Variants in ADRA1B observed in about 807,000 individuals in gnomAD.
ADRA1B encodes the protein alpha-1B adrenergic receptor.
In ADRA1B, 17 loss-of-function variants were observed where a neutral mutation model predicts 17.9. That is an observed-to-expected ratio of 0.95 (90% CI 0.65 to 1.42). The LOEUF (loss-of-function observed/expected upper bound fraction) is 1.42, where lower values mean the gene tolerates loss of function less well. Ranked by LOEUF, ADRA1B falls within the 40% of genes most tolerant of loss-of-function variation. The probability of loss-of-function intolerance (pLI) is 0.00; values close to 1 mark genes in which losing one functional copy is unlikely to be tolerated. For missense variants in ADRA1B, 681 were observed against 722.1 expected (o/e 0.94, Z 0.65); for synonymous variants, 366 against 327.6 (o/e 1.12, Z -1.27).
intron 1 of ADRA1B, chr5:159,871,175 AT>A: frequency 6.6e-6 from 1 of 152,230 alleles, no homozygotes; most frequent in Non-Finnish European, 1.5e-5. Context: ...TATTCATGTT[AT>A]TTTTTGCCAA....
At chr5:159,979,321 C>T in the ADRA1B span, among the ~76,000 whole-genome samples, 1 of 152,210 alleles carries the variant, frequency 6.6e-6, no homozygotes, top group Non-Finnish European at 1.5e-5. Flanking sequence ...CTCCTATCCT[C>T]TGAGAGGGTC....
Position 159,876,771 on chromosome 5 carries a change from G to T in ADRA1B, c.-256+11565G>T, listed in dbSNP as rs1225725677. The stretch of plus-strand genomic sequence containing the variant: ...GCTGAGTGGAATCCGCCTCTGTGGG[G>T]TCTGTTGGTGCTATAAGTAAAAAGT... On this transcript the variant is annotated intron_variant, in intron 1 of 2. Coordinates refer to the ADRA1B transcript ENST00000641205. 2.0e-5 allele frequency among the ~76,000 whole-genome samples: 3 copies of T among 152,312 alleles called. No homozygotes were observed. In the East Asian group the frequency reaches 5.8e-4, roughly 29 times the overall value.
chr5:159,893,206 G>A (rs1243702768), intron 1 of ADRA1B, among the ~76,000 whole-genome samples: 2 of 152,240 alleles, frequency 1.3e-5, no homozygotes, highest in African/African-American at 4.8e-5. Context: ...ACATCTCTGT[G>A]GAATTTCAGA....
At chr5:159,955,577 C>T (rs772028655) in intron 1 of ADRA1B, among the ~76,000 whole-genome samples, 1 of 152,176 alleles carries the variant, frequency 6.6e-6, no homozygotes, top group Non-Finnish European at 1.5e-5. Context: ...CATCCTAAGA[C>T]ACCTGTGCCT....
intron 1 of ADRA1B, among the ~76,000 whole-genome samples, chr5:159,961,443 A>T (rs1755663125): frequency 6.6e-6 from 1 of 152,214 alleles, no homozygotes; most frequent in African/African-American, 2.4e-5. Context: ...CAAGTTTATG[A>T]TCTCATTCCA....
At chr5:159,928,815 C>G (rs1277102071) in intron 1 of ADRA1B, among the ~76,000 whole-genome samples, 1 of 152,172 alleles carries the variant, frequency 6.6e-6, no homozygotes, top group African/African-American at 2.4e-5. Context: ...ACACCACCAG[C>G]ACTGGGCCGG....
chr5:159,965,419 G>C (rs925555839), intron 1 of ADRA1B, among the ~76,000 whole-genome samples: 2 of 152,084 alleles, frequency 1.3e-5, no homozygotes, highest in Non-Finnish European at 2.9e-5. Flanking sequence ...AGAGTGTCCA[G>C]GCCTTCCAGG....
At chr5:159,958,537 C>A (rs1478348798) in intron 1 of ADRA1B, among the ~76,000 whole-genome samples, 6 of 152,174 alleles carry the variant, frequency 3.9e-5, no homozygotes, top group African/African-American at 1.4e-4. Context: ...TACCATTCCT[C>A]TTTATTTCCA....
intron 1 of ADRA1B, chr5:159,951,057 A>G: frequency 1.4e-6 from 1 of 711,402 alleles, no homozygotes; most frequent in Admixed American, 1.8e-5. Context: ...CAGGAGGCAT[A>G]GCTGACGATA....
At chr5:159,934,441 C>G (rs1454427031) in intron 1 of ADRA1B, among the ~76,000 whole-genome samples, 1 of 152,064 alleles carries the variant, frequency 6.6e-6, no homozygotes, top group Non-Finnish European at 1.5e-5. Flanking sequence ...CGGCTGGCAC[C>G]TTCTCTTCTC....
chr5:159,917,064 C>A lies in ADRA1B; in HGVS notation c.159C>A (p.Gly53=), dbSNP rs763649376. 7.4e-6 allele frequency: 12 copies of A among 1,614,148 alleles called. No homozygotes were observed. The South Asian group carries it at 1.2e-4, about 16-fold the overall frequency. ...CCATCTCTGTGGGCCTGGTGCTGGG[C>A]GCCTTCATCCTCTTTGCCATCGTGG... The part of the protein sequence containing the change: ...TRAISVGLVL[G]AFILFAIVGN... The change falls in exon 1 of 2, where the codon GGC becomes GGA. Residue 53 remains glycine, a synonymous_variant. Transcript: ENST00000306675.
At chr5:159,906,757 G>A (rs1754166154) in intron 1 of ADRA1B, among the ~76,000 whole-genome samples, 1 of 152,222 alleles carries the variant, frequency 6.6e-6, no homozygotes, top group Non-Finnish European at 1.5e-5. Flanking sequence ...AAGTTTTTGA[G>A]TGGCAACAAA....
At chr5:159,962,618 G>A (rs146954995) in intron 1 of ADRA1B, among the ~76,000 whole-genome samples, 66 of 151,776 alleles carry the variant, frequency 4.3e-4, no homozygotes, top group Middle Eastern at 3.5e-3. Flanking sequence ...AAAAGTTGGC[G>A]GCACATAACA....
chr5:159,878,686 T>A (rs11739251), intron 1 of ADRA1B, among the ~76,000 whole-genome samples: 2 of 152,012 alleles, frequency 1.3e-5, no homozygotes, highest in Non-Finnish European at 2.9e-5. Flanking sequence ...TTAGGTGACC[T>A]GTGCAAGGTC....
intron 1 of ADRA1B, among the ~76,000 whole-genome samples, chr5:159,887,496 G>A (rs1407985364): frequency 6.6e-6 from 1 of 152,142 alleles, no homozygotes; most frequent in East Asian, 1.9e-4. Flanking sequence ...ACCATTAAGT[G>A]TGGTGTGGCT....
At chr5:159,873,920 G>A (rs1753776304) in intron 1 of ADRA1B, among the ~76,000 whole-genome samples, 1 of 152,246 alleles carries the variant, frequency 6.6e-6, no homozygotes, top group African/African-American at 2.4e-5. Context: ...TTGATTGGAA[G>A]GTCAGTGGAA....
At chr5:159,897,391 C>T (rs1306080454) in intron 1 of ADRA1B, among the ~76,000 whole-genome samples, 13 of 151,742 alleles carry the variant, frequency 8.6e-5, no homozygotes, top group East Asian at 1.9e-4. Context: ...GAGGCTGAGG[C>T]GGGAGAATCG....
rs1316294845 is a variant in ADRA1B, at chr5:159,908,708, T to C, written c.-255-7411T>C. On this transcript the variant is annotated intron_variant, in intron 1 of 2. Coordinates refer to the ADRA1B transcript ENST00000641205. Reference sequence around the variant, plus strand: ...GCGATTAAGACATACCACGGAAGTGTTGTTCGGAGAATTAAATGAGATGAC... The same window carrying C: ...GCGATTAAGACATACCACGGAAGTGCTGTTCGGAGAATTAAATGAGATGAC... 2.0e-5 allele frequency among the ~76,000 whole-genome samples: 3 copies of C among 152,190 alleles called. No individual in the cohort carries two copies. The East Asian group carries it at 5.8e-4, about 29-fold the overall frequency.
chr5:159,921,096 G>T (rs1253875675), intron 1 of ADRA1B, among the ~76,000 whole-genome samples: 5 of 152,208 alleles, frequency 3.3e-5, no homozygotes, highest in African/African-American at 9.7e-5. Flanking sequence ...GGCCCCATTT[G>T]TTTTCCTTCA....
Sources: gnomAD v4.1 joint callset for allele counts (sites outside exome capture counted in the v4.1 genomes callset) on GRCh38, gnomAD v4.1.1 for gene constraint, MANE v1.5 for transcripts, NCBI Gene and HGNC (gene_info 2026-07-23, HGNC 2026-07-21) for gene names.